LPP: variants seen among roughly 807,000 people sequenced by gnomAD.
The protein encoded by LPP is lipoma-preferred partner.
Under a neutral mutation model 60.4 loss-of-function variants are expected in LPP, and 38 were observed. The ratio of observed to expected loss-of-function variants is 0.63; its 90% confidence interval spans 0.49 to 0.83. LPP has a LOEUF of 0.83. Among genes scored for constraint, LPP ranks in the 40% least tolerant of loss-of-function variants. The pLI, the probability that LPP is intolerant of heterozygous loss-of-function variation, is 0.00. For synonymous variants in LPP, 328 were observed against 290.8 expected (o/e 1.13, Z -1.30); for missense variants, 902 against 783.6 (o/e 1.15, Z -1.80).
At chr3:188,489,216 CA>C (rs1353879185) in intron 5 of LPP, among the ~76,000 whole-genome samples, 2 of 152,144 alleles carry the variant, frequency 1.3e-5, no homozygotes, top group African/African-American at 2.4e-5. Context: ...GTACAGTACT[CA>C]GAATCACATT....
At chr3:188,781,735 CA>C (rs1272107448) in intron 9 of LPP, among the ~76,000 whole-genome samples, 1 of 150,058 alleles carries the variant, frequency 6.7e-6, no homozygotes, top group Non-Finnish European at 1.5e-5. Flanking sequence ...AAAAAAAATA[CA>C]AAAAAATTAG....
At chr3:188,747,701 A>G (rs934206537) in intron 8 of LPP, among the ~76,000 whole-genome samples, 4 of 152,208 alleles carry the variant, frequency 2.6e-5, no homozygotes, top group Non-Finnish European at 5.9e-5. Context: ...TCAATCTTGC[A>G]TATTTCCACA....
intron 7 of LPP, among the ~76,000 whole-genome samples, chr3:188,700,204 T>G (rs546604848): frequency 6.6e-6 from 1 of 152,326 alleles, no homozygotes; most frequent in East Asian, 1.9e-4. Context: ...TTGGCTGCCT[T>G]TTCCCGGTGT....
chr3:188,234,928 T>C (rs1366705910), intron 2 of LPP, among the ~76,000 whole-genome samples: 1 of 152,218 alleles, frequency 6.6e-6, no homozygotes, highest in Non-Finnish European at 1.5e-5. Flanking sequence ...AGATCTCCTG[T>C]TCCCCTTCTT....
intron 1 of LPP, among the ~76,000 whole-genome samples, chr3:188,218,205 C>T (rs906411420): frequency 2.0e-5 from 3 of 152,184 alleles, no homozygotes; most frequent in African/African-American, 7.2e-5. Flanking sequence ...ACCTACCAGC[C>T]CTCTTTTTTC....
At chr3:188,170,593 A>G (rs1418378610) in intron 1 of LPP, among the ~76,000 whole-genome samples, 1 of 151,844 alleles carries the variant, frequency 6.6e-6, no homozygotes, top group African/African-American at 2.4e-5. Context: ...GATCTCACAA[A>G]GTGCTGAGAT....
chr3:188,754,871 A>C (rs1729624410), intron 8 of LPP, among the ~76,000 whole-genome samples: 1 of 152,222 alleles, frequency 6.6e-6, no homozygotes, highest in African/African-American at 2.4e-5. Flanking sequence ...TAAAGAATGC[A>C]AACTCATTCT....
At position 188,613,310 on chromosome 3, in the gene LPP, CTATATA is replaced by C. The variant is rs1166297589; in HGVS notation, c.1113+3470_1113+3475del. Among the ~76,000 whole-genome samples the C allele has an allele frequency of 6.7e-4, 97 of 145,064 alleles. 1 individual carries two copies. Among genetic ancestry groups the C allele is most frequent in the African/African-American group, 2.6e-3 (95 of 36,616 alleles). On this transcript the variant is annotated intron_variant, in intron 7 of 11. Transcript: ENST00000617246. ...TCTATATCTATATCTATATCTATAT[CTATATA>C]TATCGCTGTGAGTTGGGAGCCACGT... is the stretch of plus-strand genomic sequence containing the variant.
intron 9 of LPP, among the ~76,000 whole-genome samples, chr3:188,797,535 C>T (rs1385045908): frequency 6.6e-6 from 1 of 152,158 alleles, no homozygotes; most frequent in Non-Finnish European, 1.5e-5. Context: ...TCTGGCATAT[C>T]CTACACTCTA....
At chr3:188,698,194 C>A (rs1158347188) in intron 7 of LPP, among the ~76,000 whole-genome samples, 1 of 152,102 alleles carries the variant, frequency 6.6e-6, no homozygotes, top group African/African-American at 2.4e-5. Flanking sequence ...TGCCTGGAGT[C>A]ACTGCCAGGC....
intron 2 of LPP, among the ~76,000 whole-genome samples, chr3:188,240,376 T>TGTGTGTGTGA (rs534393899): frequency 2.8e-5 from 4 of 143,230 alleles, no homozygotes; most frequent in African/African-American, 8.1e-5. Flanking sequence ...TGTGTGTGTG[T>TGTGTGTGTGA]GAGAGAGAGA....
In LPP at chr3:188,714,635, A is replaced by G. The variant is rs1408639032; in HGVS notation, c.1240+6242A>G. ...GAAAGGTGATAGTTTTAGTGTTTCC[A>G]TGCCTTCTTTTGTCCATGTTCATTA... On this transcript the variant is annotated intron_variant, in intron 8 of 11. Transcript: ENST00000617246. Among the ~76,000 whole-genome samples the G allele has an allele frequency of 2.0e-5, 3 of 151,934 alleles. No homozygotes were observed. The East Asian group carries it at 5.8e-4, about 29-fold the overall frequency.
rs1035832643 is a variant in LPP at position 188,182,413 on chromosome 3, G to A, written c.-190+28161G>A. On this transcript the variant is annotated intron_variant, in intron 1 of 11. Transcript: ENST00000617246. This position sits in a 1 kb window ranked among gnomAD's most constrained non-coding sequence, Gnocchi z 4.4. ...TCATCCCTACCTCGTTCTTTTCATT[G>A]GTCGGAACTTCCTGTGACTAGACCA... Among the ~76,000 whole-genome samples the A allele has an allele frequency of 1.1e-4, 17 of 152,130 alleles. No individual in the cohort carries two copies. Among genetic ancestry groups the A allele is most frequent in the Admixed American group, 9.8e-4 (15 of 15,278 alleles).
chr3:188,845,422 G>A (rs1273060725), intron 9 of LPP, among the ~76,000 whole-genome samples: 1 of 152,192 alleles, frequency 6.6e-6, no homozygotes, highest in African/African-American at 2.4e-5. Flanking sequence ...CAGTGGGCTT[G>A]AGGGAGGATT....
chr3:188,886,670 A>C lies in LPP; in HGVS notation c.*12191A>C, dbSNP rs577102708. Reference sequence around the variant, plus strand: ...TAAAAATTTTCGTATTTCACTTTACATAATATGTTCTCCCATATTTAGGGA... The same window carrying C: ...TAAAAATTTTCGTATTTCACTTTACCTAATATGTTCTCCCATATTTAGGGA... On this transcript the variant is annotated 3_prime_UTR_variant, in exon 12 of 12. Transcript: ENST00000617246. 51 of 219,130 alleles carry C rather than the reference A, an allele frequency of 2.3e-4. No homozygotes were observed. In the East Asian group the frequency reaches 3.2e-3, roughly 14 times the overall value. 13.6% of individuals were successfully genotyped at this position (219,130 alleles called of 1,614,324 possible).
chr3:188,325,952 C>G (rs1292650145), intron 2 of LPP, among the ~76,000 whole-genome samples: 1 of 152,072 alleles, frequency 6.6e-6, no homozygotes, highest in Admixed American at 6.5e-5. Context: ...AACAAAGAGT[C>G]TCTCTCATTC....
chr3:188,269,643 T>TATGTGTGTG (rs141175408), intron 2 of LPP, among the ~76,000 whole-genome samples: 1 of 134,376 alleles, frequency 7.4e-6, no homozygotes, highest in African/African-American at 3.2e-5. Flanking sequence ...GCCTTTTTTT[T>TATGTGTGTG]TATGTGTGTG....
At chr3:188,329,050 C>G (rs1007198444) in intron 2 of LPP, among the ~76,000 whole-genome samples, 3 of 152,112 alleles carry the variant, frequency 2.0e-5, no homozygotes, top group African/African-American at 7.2e-5. Context: ...ATGTAAATTT[C>G]AACACAGGGA....
intron 6 of LPP, among the ~76,000 whole-genome samples, chr3:188,574,282 A>G (rs1834132927): frequency 6.6e-6 from 1 of 152,160 alleles, no homozygotes; most frequent in Non-Finnish European, 1.5e-5. Flanking sequence ...AATGTTCCTC[A>G]AGTGCTTTGA....
Sources: gnomAD v4.1 joint callset for allele counts (sites outside exome capture counted in the v4.1 genomes callset) on GRCh38, gnomAD v4.1.1 for gene constraint, Gnocchi (gnomAD v3.1) non-coding constraint, MANE v1.5 for transcripts, NCBI Gene and HGNC (gene_info 2026-07-23, HGNC 2026-07-21) for gene names.